The following RNF8 variants were observed in gnomAD, a reference collection of about 807,000 sequenced individuals.
RNF8 encodes the protein E3 ubiquitin-protein ligase RNF8.
Under a neutral mutation model 59.3 loss-of-function variants are expected in RNF8, and 8 were observed. The observed-to-expected ratio is 0.13, with a 90% CI of 0.08 to 0.24. The LOEUF (loss-of-function observed/expected upper bound fraction) is 0.24, where lower values mean the gene tolerates loss of function less well. Ranked by LOEUF, RNF8 falls within the 10% of genes least tolerant of loss-of-function variation. The pLI is 1.00. For missense variants in RNF8, 406 were observed against 572.6 expected (o/e 0.71, Z 2.97); for synonymous variants, 162 against 200.0 (o/e 0.81, Z 1.60).
chr6:37,392,193 G>C lies in RNF8; in HGVS notation c.*1435G>C, dbSNP rs756777525. 23 of 341,728 alleles carry C rather than the reference G, an allele frequency of 6.7e-5. No individual in the cohort carries two copies. The highest frequency in any genetic ancestry group is 1.1e-4 in the Non-Finnish European group (21 of 191,098). 21.2% of individuals were successfully genotyped at this position (341,728 alleles called of 1,614,324 possible). A position where few individuals can be genotyped will look rare whatever the true frequency, so the allele number is the denominator to read the frequency against. Reference sequence around the variant, plus strand: ...CTATAACCACATCATAAGAATTCTGGAAAAATAGAGAACAAAAGGAAAAGA... The same window carrying C: ...CTATAACCACATCATAAGAATTCTGCAAAAATAGAGAACAAAAGGAAAAGA... On this transcript the variant is annotated 3_prime_UTR_variant, in exon 8 of 8. Coordinates refer to ENST00000373479, the MANE Select transcript of RNF8 (RefSeq NM_003958.4).
chr6:37,393,589 G>A lies in RNF8; in HGVS notation c.*2831G>A, dbSNP rs185714374. 6.6e-6 allele frequency: 1 copy of A among 152,350 alleles called. No individual in the cohort carries two copies. Among genetic ancestry groups the A allele is most frequent in the East Asian group, 1.9e-4 (1 of 5,190 alleles). The allele number at this position is 152,350 out of a possible 1,614,324, so 9.4% of individuals were successfully genotyped here. A position where few individuals can be genotyped will look rare whatever the true frequency, so the allele number is the denominator to read the frequency against. On this transcript the variant is annotated 3_prime_UTR_variant, in exon 8 of 8. Transcript: ENST00000373479. ...AAAAGGGGGTTTGTTTCATTATCTG[G>A]TTTTATTAAGCAGATGAATGCAGCC... is the stretch of plus-strand genomic sequence containing the variant.
At chr6:37,371,193 G>C (rs963835) in intron 3 of RNF8, among the ~76,000 whole-genome samples, 57,785 of 152,058 alleles carry the variant, frequency 0.38, 13,082 homozygotes, top group East Asian at 0.68. Flanking sequence ...GGGCTCAGAA[G>C]TTCTCAGTTT....
At chr6:37,384,681 A>G (rs950166426) in intron 7 of RNF8, among the ~76,000 whole-genome samples, 1 of 152,210 alleles carries the variant, frequency 6.6e-6, no homozygotes, top group Non-Finnish European at 1.5e-5. Context: ...AGAAACTGGC[A>G]AAGCCCAGGC....
Position 37,360,351 on chromosome 6 carries a change from G to A in RNF8, c.112-95G>A, listed in dbSNP as rs2113814876. On this transcript the variant is annotated intron_variant, in intron 1 of 7. Coordinates refer to ENST00000373479, the MANE Select transcript of RNF8 (RefSeq NM_003958.4). This position sits in a 1 kb window ranked among gnomAD's most constrained non-coding sequence, Gnocchi z 4.2. ...ACAGGTGTCTGGTTTCTTAAGTCAG[G>A]ACCTGCATATGCTGCTGGTTGATGA... 1 of 1,449,708 alleles carries A rather than the reference G, an allele frequency of 6.9e-7. No individual in the cohort carries two copies. The highest frequency in any genetic ancestry group is 2.3e-5 in the East Asian group (1 of 43,486). 89.8% of individuals were successfully genotyped at this position (1,449,708 alleles called of 1,614,324 possible).
chr6:37,377,616 A>G (rs374953366), intron 6 of RNF8, among the ~76,000 whole-genome samples: 1 of 152,194 alleles, frequency 6.6e-6, no homozygotes, highest in Non-Finnish European at 1.5e-5. Context: ...TTGAGCTGCA[A>G]TGAAGCCTTT....
chr6:37,355,656 A>T (rs976735964), intron 1 of RNF8, among the ~76,000 whole-genome samples: 7 of 152,194 alleles, frequency 4.6e-5, no homozygotes, highest in African/African-American at 1.4e-4. Flanking sequence ...AGGGAGTGTT[A>T]TAAAGGGTTA....
chr6:37,360,515 C>T lies in RNF8; in HGVS notation c.181C>T (p.Arg61Ter), dbSNP rs1769273955. ...AAAAATCTGCCCCCTGATGATTTCTCGAAACCACTGTGTTTTGAAGCAGAA... is the reference window on the plus strand; with the variant it reads ...AAAAATCTGCCCCCTGATGATTTCTTGAAACCACTGTGTTTTGAAGCAGAA... ...VSKICPLMIS[R>*]NHCVLKQNPE... Residue 61 changes from arginine to a stop codon, truncating the protein, a stop_gained, in exon 2 of 8, where the codon CGA becomes TGA. Transcript: ENST00000373479. LOFTEE classifies it high-confidence loss of function. This position sits in a 1 kb window ranked among gnomAD's most constrained non-coding sequence, Gnocchi z 4.2. The T allele has an allele frequency of 1.2e-6, 2 of 1,613,852 alleles. No individual in the cohort carries two copies. Among genetic ancestry groups the T allele is most frequent in the Non-Finnish European group, 1.7e-6 (2 of 1,179,910 alleles).
rs1236176308 is a variant in RNF8 at position 37,382,972 on chromosome 6, C to CA, written c.1441+1634dup. On this transcript the variant is annotated intron_variant, in intron 7 of 7. Coordinates refer to ENST00000373479, the MANE Select transcript of RNF8 (RefSeq NM_003958.4). The stretch of plus-strand genomic sequence containing the variant: ...TGGATGACAGAGCGGGACTCTGTCT[C>CA]AAAAAAAAAAAAAAAAGGAAAGAAG... Among the ~76,000 whole-genome samples, 796 of 87,814 alleles carry CA rather than the reference C, an allele frequency of 9.1e-3. 2 individuals are homozygous for CA. The highest frequency in any genetic ancestry group is 0.023 in the South Asian group (62 of 2,730). 57.6% of individuals were successfully genotyped at this position (87,814 alleles called of 152,430 possible). A position where few individuals can be genotyped will look rare whatever the true frequency, so the allele number is the denominator to read the frequency against.
At chr6:37,376,879 ATTTTTG>A (rs1770039816) in intron 5 of RNF8, 41 bp from the exon 6 acceptor site, 1 of 1,378,992 alleles carries the variant, frequency 7.3e-7, no homozygotes, top group Non-Finnish European at 1.0e-6. Flanking sequence ...CCCATTTTGC[ATTTTTG>A]TTGGTTCTCT....
At chr6:37,389,236 G>A (rs1365306570) in intron 7 of RNF8, among the ~76,000 whole-genome samples, 2 of 151,840 alleles carry the variant, frequency 1.3e-5, no homozygotes, top group Non-Finnish European at 2.9e-5. Flanking sequence ...ATGCTGCTGA[G>A]ACATTAAACA....
Position 37,390,889 on chromosome 6 carries a change from G to A in RNF8, c.*131G>A, listed in dbSNP as rs922862121. On this transcript the variant is annotated 3_prime_UTR_variant, in exon 8 of 8. Transcript: ENST00000373479. ...GAAGTCTTGTGGGACAGAGACTTGAGTTAGGAAGCCCTCAGTCACTTGCCT... is the reference window on the plus strand; with the variant it reads ...GAAGTCTTGTGGGACAGAGACTTGAATTAGGAAGCCCTCAGTCACTTGCCT... 2.0e-6 allele frequency: 3 copies of A among 1,509,774 alleles called. No homozygotes were observed. The highest frequency in any genetic ancestry group is 2.8e-6 in the Non-Finnish European group (3 of 1,085,892). 93.5% of individuals were successfully genotyped at this position (1,509,774 alleles called of 1,614,324 possible).
At chr6:37,358,760 G>C (rs369042376) in intron 1 of RNF8, among the ~76,000 whole-genome samples, 6 of 152,240 alleles carry the variant, frequency 3.9e-5, no homozygotes, top group African/African-American at 1.4e-4. Context: ...CCCAGTTAAG[G>C]TTGTGATATG....
chr6:37,354,448 A>G (rs1284914898), intron 1 of RNF8, among the ~76,000 whole-genome samples, 173 bp downstream of exon 1: 1 of 140,322 alleles, frequency 7.1e-6, no homozygotes. Flanking sequence ...GAAGGGAGAA[A>G]GCGGTTCTGG....
intron 4 of RNF8, among the ~76,000 whole-genome samples, chr6:37,372,708 G>A (rs931445126): frequency 5.9e-5 from 9 of 152,328 alleles, no homozygotes; most frequent in Non-Finnish European, 1.0e-4. Context: ...GGTGGCTCAC[G>A]CCTGTAATCC....
intron 6 of RNF8, among the ~76,000 whole-genome samples, chr6:37,379,451 G>A (rs1156766124): frequency 1.3e-5 from 2 of 152,048 alleles, no homozygotes; most frequent in African/African-American, 4.8e-5. Context: ...GTTATCCTAA[G>A]AGCAGGAATG....
intron 2 of RNF8, among the ~76,000 whole-genome samples, chr6:37,368,154 C>T (rs535869063): frequency 6.6e-6 from 1 of 152,246 alleles, no homozygotes; most frequent in African/African-American, 2.4e-5. Context: ...GGACATTGCT[C>T]CAGTTTAGGT....
Position 37,382,588 on chromosome 6 carries a change from G to A in RNF8, c.1441+1234G>A, listed in dbSNP as rs566988121. 7.8e-4 allele frequency among the ~76,000 whole-genome samples: 119 copies of A among 152,246 alleles called. 1 individual carries two copies. Among genetic ancestry groups the A allele is most frequent in the Non-Finnish European group, 3.5e-4 (24 of 68,000 alleles). On this transcript the variant is annotated intron_variant, in intron 7 of 7. Transcript: ENST00000373479. ...AGCTGAGTCGGGGGACGGGGTTGGG[G>A]GGTGGACCTAGGGACACCCATGGGC...
In RNF8 at chr6:37,390,742, CAA is replaced by C. The variant is rs746260027; in HGVS notation, c.1444_1445del (p.Lys482GlufsTer9). 1.9e-6 allele frequency: 3 copies of C among 1,609,930 alleles called. No homozygotes were observed. The highest frequency in any genetic ancestry group is 2.6e-6 in the Non-Finnish European group (3 of 1,176,424). On this transcript the variant is annotated frameshift_variant and splice_region_variant, in exon 8 of 8. Coordinates refer to ENST00000373479, the MANE Select transcript of RNF8 (RefSeq NM_003958.4). LOFTEE classifies it high-confidence loss of function. ...TTATTTCTCTTCTTTTTCTCCAAAG[CAA>C]AGAGATTGTTCTGAAGACCGTGCTC...
intron 6 of RNF8, among the ~76,000 whole-genome samples, chr6:37,379,425 T>C (rs1770163104): frequency 6.6e-6 from 1 of 152,238 alleles, no homozygotes; most frequent in South Asian, 2.1e-4. Flanking sequence ...ATGTAATATC[T>C]GTGTTATTTT....
Sources: allele counts gnomAD v4.1 joint callset (sites outside exome capture counted in the v4.1 genomes callset), GRCh38; gene constraint gnomAD v4.1.1; non-coding constraint Gnocchi (gnomAD v3.1); transcripts MANE v1.5; gene names NCBI Gene and HGNC (gene_info 2026-07-23, HGNC 2026-07-21).